The following P2RY8 variants were observed in gnomAD, a reference collection of about 807,000 sequenced individuals.
P2RY8 encodes the protein P2Y receptor family member 8.
In P2RY8, 6 loss-of-function variants were observed where a neutral mutation model predicts 10.0. That is an observed-to-expected ratio of 0.60 (90% CI 0.33 to 1.19). The LOEUF (loss-of-function observed/expected upper bound fraction) is 1.19, where lower values mean the gene tolerates loss of function less well. Among genes scored for constraint, P2RY8 ranks in the 50% most tolerant of loss-of-function variants. The pLI is 0.04. For synonymous variants in P2RY8, 276 were observed against 252.5 expected (o/e 1.09, Z -0.88); for missense variants, 456 against 542.0 (o/e 0.84, Z 1.58).
intron 1 of P2RY8, among the ~76,000 whole-genome samples, chrX:1,531,895 A>C (rs2092478250): frequency 6.6e-6 from 1 of 152,174 alleles, no homozygotes; most frequent in South Asian, 2.1e-4. Flanking sequence ...CACAATCAAA[A>C]CATCAAGAAA....
intron 1 of P2RY8, among the ~76,000 whole-genome samples, chrX:1,477,415 C>G (rs1422439903): frequency 2.6e-5 from 4 of 152,146 alleles, no homozygotes; most frequent in African/African-American, 9.7e-5. Flanking sequence ...GCAATCATAT[C>G]TATCAATTAT....
Position 1,524,447 on chromosome X carries a change from A to G in P2RY8, c.-25+12474T>C, listed in dbSNP as rs368081091. Among the ~76,000 whole-genome samples the G allele has an allele frequency of 9.1e-5, 12 of 131,948 alleles. No individual in the cohort carries two copies. In the South Asian group the frequency reaches 2.9e-3, roughly 32 times the overall value. 86.6% of individuals were successfully genotyped at this position (131,948 alleles called of 152,430 possible). A position where few individuals can be genotyped will look rare whatever the true frequency, so the allele number is the denominator to read the frequency against. On this transcript the variant is annotated intron_variant, in intron 1 of 1. Coordinates refer to ENST00000381297, the MANE Select transcript of P2RY8 (RefSeq NM_178129.5). ...CATCCATCCATCCATCCATTCATCC[A>G]TCTATCCATCCATCCATCCATCCAT...
At chrX:1,482,165 GT>G (rs2091942483) in intron 1 of P2RY8, among the ~76,000 whole-genome samples, 1 of 124,482 alleles carries the variant, frequency 8.0e-6, no homozygotes. Context: ...TGTGTGGTGT[GT>G]GTGTGTGTGT....
chrX:1,526,848 C>T (rs1360838692), intron 1 of P2RY8, among the ~76,000 whole-genome samples: 1 of 152,194 alleles, frequency 6.6e-6, no homozygotes, highest in Admixed American at 6.6e-5. Flanking sequence ...CATTCAGCAT[C>T]TATTTATTCA....
chrX:1,505,137 CAA>C (rs1175803425), intron 1 of P2RY8, among the ~76,000 whole-genome samples: 10 of 99,710 alleles, frequency 1.0e-4, no homozygotes, highest in Admixed American at 2.3e-4. Flanking sequence ...GACTCTGTCT[CAA>C]AAAAAAAAAA....
In P2RY8 at chrX:1,464,930, G is replaced by GCGGCCACC; in HGVS notation, c.*548_*549insGGTGGCCG. On this transcript the variant is annotated 3_prime_UTR_variant, in exon 2 of 2. Transcript: ENST00000381297. ...GAAATTTCGGCGTGCACCGGGCTAC[G>GCGGCCACC]GAGACCAGAACCCCTGGAGGAGAAT... 1 of 234,700 alleles carries GCGGCCACC rather than the reference G, an allele frequency of 4.3e-6. No individual in the cohort carries two copies. The allele number at this position is 234,700 out of a possible 1,614,324, so 14.5% of individuals were successfully genotyped here.
chrX:1,494,684 T>A (rs1488596709), intron 1 of P2RY8, among the ~76,000 whole-genome samples: 2 of 152,150 alleles, frequency 1.3e-5, no homozygotes, highest in Non-Finnish European at 2.9e-5. Context: ...TACTAATTTT[T>A]AAAAATATGT....
At chrX:1,501,189 T>C (rs1171640720) in intron 1 of P2RY8, among the ~76,000 whole-genome samples, 6 of 152,200 alleles carry the variant, frequency 3.9e-5, no homozygotes, top group African/African-American at 1.4e-4. Flanking sequence ...GAGGTGGCTG[T>C]GTCTTCTCAG....
At chrX:1,525,288 T>C (rs1458540064) in intron 1 of P2RY8, among the ~76,000 whole-genome samples, 1 of 152,162 alleles carries the variant, frequency 6.6e-6, no homozygotes, top group African/African-American at 2.4e-5. Flanking sequence ...GGAAATAGGA[T>C]CTTTGCAGAT....
chrX:1,520,485 C>A (rs1163749850), intron 1 of P2RY8, among the ~76,000 whole-genome samples: 7 of 150,990 alleles, frequency 4.6e-5, no homozygotes, highest in Non-Finnish European at 1.0e-4. Context: ...CTCTAATAAT[C>A]TCCCTGATCC....
intron 1 of P2RY8, among the ~76,000 whole-genome samples, chrX:1,467,687 G>C (rs1298580945): frequency 6.6e-6 from 1 of 152,194 alleles, no homozygotes; most frequent in Non-Finnish European, 1.5e-5. Flanking sequence ...TTGTTTGTTT[G>C]TTTTATAGAT....
rs1374489217 is a variant in P2RY8, at chrX:1,463,149, G to A, written c.*2330C>T. ...ATCGTCCGTGCGTTACTGTGAAGAT[G>A]CTACTCTGAGGTTTTTCACAGTTTT... On this transcript the variant is annotated 3_prime_UTR_variant, in exon 2 of 2. Coordinates refer to ENST00000381297, the MANE Select transcript of P2RY8 (RefSeq NM_178129.5). 4 of 233,060 alleles carry A rather than the reference G, an allele frequency of 1.7e-5. No homozygotes were observed. The highest frequency in any genetic ancestry group is 2.5e-5 in the Non-Finnish European group (3 of 118,026). The allele number at this position is 233,060 out of a possible 1,614,324, so 14.4% of individuals were successfully genotyped here. A position where few individuals can be genotyped will look rare whatever the true frequency, so the allele number is the denominator to read the frequency against.
intron 1 of P2RY8, among the ~76,000 whole-genome samples, chrX:1,529,877 G>C (rs769284591): frequency 1.3e-5 from 2 of 151,804 alleles, no homozygotes; most frequent in Admixed American, 6.6e-5. Flanking sequence ...CGGCACACTG[G>C]GTAATGTCTG....
chrX:1,463,723 T>G lies in P2RY8; in HGVS notation c.*1756A>C, dbSNP rs2091620663. 2.2e-5 allele frequency: 5 copies of G among 232,276 alleles called. No homozygotes were observed. In the East Asian group the frequency reaches 3.0e-4, roughly 14 times the overall value. The allele number at this position is 232,276 out of a possible 1,614,324, so 14.4% of individuals were successfully genotyped here. A position where few individuals can be genotyped will look rare whatever the true frequency, so the allele number is the denominator to read the frequency against. ...TCCCTCCAGAGACTCTAGGGGAGGG[T>G]CCTTCCTGCCTCTCCCAGCTCCTGG... On this transcript the variant is annotated 3_prime_UTR_variant, in exon 2 of 2. Coordinates refer to ENST00000381297, the MANE Select transcript of P2RY8 (RefSeq NM_178129.5).
chrX:1,531,510 C>T (rs2092475493), intron 1 of P2RY8, among the ~76,000 whole-genome samples: 1 of 152,250 alleles, frequency 6.6e-6, no homozygotes, highest in East Asian at 1.9e-4. Context: ...ACCCCCAGCT[C>T]ATGAACTCCT....
At chrX:1,531,064 GTCTGTCTA>G (rs1158971110) in intron 1 of P2RY8, among the ~76,000 whole-genome samples, 34 of 87,098 alleles carry the variant, frequency 3.9e-4, no homozygotes, top group African/African-American at 1.2e-3. Flanking sequence ...CTGTCTGTCT[GTCTGTCTA>G]TCTATCTATC....
At chrX:1,508,914 C>G (rs1476524053) in intron 1 of P2RY8, among the ~76,000 whole-genome samples, 1 of 150,716 alleles carries the variant, frequency 6.6e-6, no homozygotes, top group African/African-American at 2.5e-5. Flanking sequence ...TGTATCCATC[C>G]ATTCATTGTA....
At chrX:1,483,327 C>T (rs1195138267) in intron 1 of P2RY8, among the ~76,000 whole-genome samples, 17 of 151,930 alleles carry the variant, frequency 1.1e-4, no homozygotes, top group Non-Finnish European at 2.4e-4. Flanking sequence ...AGATCCAAAG[C>T]GGGGTTTCCT....
intron 1 of P2RY8, among the ~76,000 whole-genome samples, chrX:1,535,939 C>G (rs1229485112): frequency 6.6e-6 from 1 of 152,052 alleles, no homozygotes; most frequent in African/African-American, 2.4e-5. Flanking sequence ...CTAAGCGGAC[C>G]TGTACAAATG....
Sources: gnomAD v4.1 joint callset for allele counts (sites outside exome capture counted in the v4.1 genomes callset) on GRCh38, gnomAD v4.1.1 for gene constraint, MANE v1.5 for transcripts, NCBI Gene and HGNC (gene_info 2026-07-23, HGNC 2026-07-21) for gene names.